ATG5: variants seen among roughly 807,000 people sequenced by gnomAD.
ATG5 encodes autophagy protein 5.
ATG5 carries 14 observed loss-of-function variants against 36.5 expected under a neutral mutation model. That is an observed-to-expected ratio of 0.38 (90% CI 0.25 to 0.60). The LOEUF (loss-of-function observed/expected upper bound fraction) is 0.60, where lower values mean the gene tolerates loss of function less well. Ranked by LOEUF, ATG5 falls within the 20% of genes least tolerant of loss-of-function variation. ATG5 has a pLI of 0.60. For synonymous variants in ATG5, 95 were observed against 101.5 expected (o/e 0.94, Z 0.38); for missense variants, 195 against 326.7 (o/e 0.60, Z 3.11).
At chr6:106,289,668 TAA>T (rs35671416) in intron 4 of ATG5, among the ~76,000 whole-genome samples, 42 of 151,830 alleles carry the variant, frequency 2.8e-4, no homozygotes, top group African/African-American at 8.9e-4. Flanking sequence ...CTGAAACATT[TAA>T]AAAAAACATT....
At chr6:106,263,165 G>A (rs1231232574) in intron 5 of ATG5, among the ~76,000 whole-genome samples, 2 of 152,170 alleles carry the variant, frequency 1.3e-5, no homozygotes, top group Non-Finnish European at 2.9e-5. Flanking sequence ...GCGGGGAGGG[G>A]CATCTGACAT....
At chr6:106,316,997 C>G (rs1770876600) in intron 1 of ATG5, among the ~76,000 whole-genome samples, 1 of 152,240 alleles carries the variant, frequency 6.6e-6, no homozygotes, top group South Asian at 2.1e-4. Context: ...CCCAGTGAAA[C>G]AGTAAATGCT....
chr6:106,220,104 A>G (rs965289154), intron 6 of ATG5, among the ~76,000 whole-genome samples: 19 of 152,188 alleles, frequency 1.2e-4, no homozygotes, highest in Admixed American at 7.8e-4. Flanking sequence ...AAGATATCAA[A>G]GTCAGATGAT....
chr6:106,273,151 A>T (rs930816071), intron 5 of ATG5, among the ~76,000 whole-genome samples: 2 of 152,242 alleles, frequency 1.3e-5, no homozygotes, highest in African/African-American at 4.8e-5. Flanking sequence ...AAGAGTAGTT[A>T]TGCCTCCTAC....
intron 6 of ATG5, among the ~76,000 whole-genome samples, chr6:106,221,696 A>AT (rs1777256817): frequency 6.9e-6 from 1 of 145,080 alleles, no homozygotes; most frequent in South Asian, 2.2e-4. Context: ...AAAAAAAAAA[A>AT]AAAAAAGAAA....
chr6:106,303,381 T>C (rs953538067), intron 3 of ATG5, among the ~76,000 whole-genome samples: 2 of 152,078 alleles, frequency 1.3e-5, no homozygotes, highest in Non-Finnish European at 2.9e-5. Context: ...ATAGGCAAGC[T>C]GAGTAGATCT....
chr6:106,290,103 T>C (rs567882851), intron 4 of ATG5, among the ~76,000 whole-genome samples: 1 of 151,866 alleles, frequency 6.6e-6, no homozygotes, highest in South Asian at 2.1e-4. Context: ...TACAGCTCAA[T>C]GTAACCTCAA....
chr6:106,195,811 A>G, intron 7 of ATG5, among the ~76,000 whole-genome samples: 1 of 103,594 alleles, frequency 9.7e-6, no homozygotes. Flanking sequence ...TCCCCTCTAA[A>G]AAAAAAAAAA....
intron 6 of ATG5, among the ~76,000 whole-genome samples, chr6:106,209,796 T>C (rs1345039377): frequency 6.6e-6 from 1 of 152,196 alleles, no homozygotes; most frequent in African/African-American, 2.4e-5. Context: ...TATGTAGATC[T>C]TTCTGTATTA....
Position 106,185,875 on chromosome 6 carries a change from ATG to A in ATG5, c.*663_*664del, listed in dbSNP as rs1311445765. On this transcript the variant is annotated 3_prime_UTR_variant, in exon 8 of 8. Transcript: ENST00000369076. ...CACAGAGTAAAAAGTGATCTACTGT[ATG>A]TGAGTCAGAAAGTACTTGAAAAGTG... The A allele has an allele frequency of 4.1e-5, 6 of 145,338 alleles. No homozygotes were observed. The East Asian group carries it at 5.6e-4, about 14-fold the overall frequency. The allele number at this position is 145,338 out of a possible 1,614,324, so 9.0% of individuals were successfully genotyped here.
chr6:106,252,310 T>A lies in ATG5; in HGVS notation c.479-4066A>T, dbSNP rs568336813. Reference sequence around the variant, plus strand: ...TAAGAAGGCTATCAAATCAAAAGCATAAAACTGAAGGACTGTTCTACAGAA... The same window carrying A: ...TAAGAAGGCTATCAAATCAAAAGCAAAAAACTGAAGGACTGTTCTACAGAA... On this transcript the variant is annotated intron_variant, in intron 5 of 7. Transcript: ENST00000369076. Among the ~76,000 whole-genome samples, 7 of 149,912 alleles carry A rather than the reference T, an allele frequency of 4.7e-5. No individual in the cohort carries two copies. The East Asian group carries it at 1.2e-3, about 25-fold the overall frequency.
chr6:106,221,758 A>AT (rs538079831), intron 6 of ATG5, among the ~76,000 whole-genome samples: 29 of 152,192 alleles, frequency 1.9e-4, no homozygotes, highest in Non-Finnish European at 3.4e-4. Context: ...TATGTTTACT[A>AT]TATCTACTTA....
chr6:106,208,883 T>C (rs917668291), intron 6 of ATG5, among the ~76,000 whole-genome samples: 7 of 152,186 alleles, frequency 4.6e-5, no homozygotes, highest in African/African-American at 1.7e-4. Context: ...AACAGACATT[T>C]TACCAAAGAG....
intron 5 of ATG5, among the ~76,000 whole-genome samples, chr6:106,271,376 A>C (rs1295263240): frequency 6.6e-6 from 1 of 152,186 alleles, no homozygotes; most frequent in Non-Finnish European, 1.5e-5. Flanking sequence ...GTCCTCATAA[A>C]TGGAATTACT....
intron 4 of ATG5, among the ~76,000 whole-genome samples, chr6:106,289,877 A>G (rs573546741): frequency 1.3e-5 from 2 of 152,358 alleles, no homozygotes; most frequent in South Asian, 2.1e-4. Context: ...TCTATGTTCA[A>G]TATTCTACAA....
chr6:106,195,979 C>T (rs984572511), intron 7 of ATG5, among the ~76,000 whole-genome samples: 1 of 152,104 alleles, frequency 6.6e-6, no homozygotes, highest in Non-Finnish European at 1.5e-5. Flanking sequence ...TTAATCTTGT[C>T]TTGTAACCTG....
chr6:106,297,207 G>T (rs117761397), intron 3 of ATG5, among the ~76,000 whole-genome samples: 2,075 of 152,076 alleles, frequency 0.014, 22 homozygotes, highest in Non-Finnish European at 0.02. Context: ...CAAAAACCTG[G>T]ACCATTTCTT....
intron 6 of ATG5, among the ~76,000 whole-genome samples, chr6:106,230,176 A>G (rs892673591): frequency 2.6e-5 from 4 of 152,234 alleles, no homozygotes; most frequent in African/African-American, 7.2e-5. Flanking sequence ...AAAATTGCCT[A>G]ATAATTGGTC....
intron 7 of ATG5, 137 bp from the exon 8 acceptor site, chr6:106,186,813 T>C (rs1562198918): frequency 6.0e-6 from 6 of 999,620 alleles, no homozygotes; most frequent in East Asian, 2.6e-5. Context: ...AATGTGGACA[T>C]GGAGAAAGTT....
Sources: allele counts gnomAD v4.1 joint callset (sites outside exome capture counted in the v4.1 genomes callset), GRCh38; gene constraint gnomAD v4.1.1; transcripts MANE v1.5; gene names NCBI Gene and HGNC (gene_info 2026-07-23, HGNC 2026-07-21).